Variants in ZNF875 observed in about 807,000 individuals in gnomAD.
ZNF875 encodes the protein HKR1, GLI-Kruppel zinc finger family member.
A neutral mutation model predicts 11.2 loss-of-function variants in ZNF875; 14 were observed. The ratio of observed to expected loss-of-function variants is 1.26; its 90% CI spans 0.83 to 1.96. ZNF875 has a LOEUF of 1.96. Ranked by LOEUF, ZNF875 falls within the 30% of genes most tolerant of loss-of-function variation. ZNF875 has a pLI of 0.00. For missense variants in ZNF875, 752 were observed against 760.4 expected, an observed-to-expected ratio of 0.99 and a Z score of 0.13; for synonymous variants, 301 against 281.1, an observed-to-expected ratio of 1.07 and a Z score of -0.71.
upstream of ZNF875, chr19:37,334,519 A>C: frequency 2.8e-6 from 1 of 356,950 alleles, no homozygotes; most frequent in Admixed American, 3.7e-5. Flanking sequence ...TGCAGATGTC[A>C]GTCACCCTGT....
chr19:37,330,947 G>A (rs2145825597), upstream of ZNF875, among the ~76,000 whole-genome samples: 1 of 152,180 alleles, frequency 6.6e-6, no homozygotes, highest in East Asian at 2.0e-4. Flanking sequence ...CAGCGTTTGG[G>A]AGGCTGAGGC....
upstream of ZNF875, among the ~76,000 whole-genome samples, chr19:37,316,665 C>T (rs954247175): frequency 2.7e-5 from 4 of 146,724 alleles, no homozygotes; most frequent in Admixed American, 2.1e-4. Flanking sequence ...CCACTGCGCC[C>T]GGCCTATTTT....
chr19:37,336,409 T>C (rs1599965351), intron 2 of ZNF875, among the ~76,000 whole-genome samples: 2 of 151,116 alleles, frequency 1.3e-5, no homozygotes, highest in Non-Finnish European at 3.0e-5. Flanking sequence ...ACACCATTCT[T>C]CTGCCTCAGC....
At chr19:37,324,427 T>C (rs979071771) in intron 4 of ZNF875, among the ~76,000 whole-genome samples, 2 of 152,186 alleles carry the variant, frequency 1.3e-5, no homozygotes, top group African/African-American at 4.8e-5. Context: ...AGTTGTCTGG[T>C]TTTTTTAAAA....
intron 2 of ZNF875, among the ~76,000 whole-genome samples, chr19:37,340,938 G>A (rs1166711150): frequency 6.6e-6 from 1 of 152,078 alleles, no homozygotes; most frequent in East Asian, 1.9e-4. Flanking sequence ...GTGAGCCACC[G>A]CGTCTGGCCT....
intron 4 of ZNF875, among the ~76,000 whole-genome samples, chr19:37,356,493 C>T (rs1349230814): frequency 6.6e-6 from 1 of 151,988 alleles, no homozygotes; most frequent in Non-Finnish European, 1.5e-5. Flanking sequence ...TGTGAGATGG[C>T]CTATCTTCTT....
intron 3 of ZNF875, 21 bp downstream of exon 3, chr19:37,347,337 C>T (rs2037005435): frequency 6.2e-7 from 1 of 1,602,138 alleles, no homozygotes; most frequent in African/African-American, 1.3e-5. Flanking sequence ...CCTCCCTTGG[C>T]ACTTAAAATC....
In ZNF875 at chr19:37,363,187, A is replaced by G. The variant is rs1294216121; in HGVS notation, c.1335A>G (p.Ser445=). 1 of 1,613,910 alleles carries G rather than the reference A, an allele frequency of 6.2e-7. No individual in the cohort carries two copies. The highest frequency in any genetic ancestry group is 1.3e-5 in the African/African-American group (1 of 74,896). Residue 445 remains serine, a synonymous_variant, in exon 5 of 5, where the codon TCA becomes TCG. Transcript: ENST00000392153. The stretch of plus-strand genomic sequence containing the variant: ...TCAAAACACACCAGAGGACACACTC[A>G]GGGGTTAAACCTTATGTCTGCCTGG... The part of the protein sequence containing the change: ...SNLKTHQRTH[S]GVKPYVCLEC...
chr19:37,358,180 T>C (rs1407483907), intron 4 of ZNF875: 7 of 342,986 alleles, frequency 2.0e-5, no homozygotes, highest in East Asian at 4.2e-5. Flanking sequence ...AGTCTTGCTC[T>C]GTCACCCTGG....
At chr19:37,336,369 G>A (rs2034418255) in intron 2 of ZNF875, among the ~76,000 whole-genome samples, 1 of 148,426 alleles carries the variant, frequency 6.7e-6, no homozygotes, top group African/African-American at 2.5e-5. Flanking sequence ...GCGCCATCTC[G>A]GCTCGCTGCA....
intron 2 of ZNF875, among the ~76,000 whole-genome samples, chr19:37,335,936 G>A (rs1004833760): frequency 1.3e-5 from 2 of 152,090 alleles, no homozygotes; most frequent in African/African-American, 2.4e-5. Flanking sequence ...AGAGTGCCTC[G>A]TTCTAACAGG....
intron 4 of ZNF875, among the ~76,000 whole-genome samples, chr19:37,354,799 T>C (rs934324657): frequency 1.3e-5 from 2 of 152,190 alleles, no homozygotes; most frequent in African/African-American, 4.8e-5. Flanking sequence ...CAAGTTGTTA[T>C]AAAACAAGGC....
At chr19:37,319,368 T>A (rs1384591460) in intron 1 of ZNF875, among the ~76,000 whole-genome samples, 5 of 144,020 alleles carry the variant, frequency 3.5e-5, no homozygotes, top group Admixed American at 1.4e-4. Context: ...TATATATATA[T>A]AATAAAAATG....
intron 2 of ZNF875, among the ~76,000 whole-genome samples, chr19:37,340,022 G>A (rs2035355389): frequency 6.6e-6 from 1 of 151,012 alleles, no homozygotes; most frequent in African/African-American, 2.4e-5. Context: ...CATTCTTGTT[G>A]CCCAGGCTGG....
rs527766796 is a variant in ZNF875 at position 37,327,236 on chromosome 19, G to A, written c.-603+2971G>A. 1.2e-3 allele frequency among the ~76,000 whole-genome samples: 178 copies of A among 151,672 alleles called. 1 individual carries two copies. The highest frequency in any genetic ancestry group is 4.2e-3 in the African/African-American group (172 of 41,394). On this transcript the variant is annotated intron_variant, in intron 4 of 5. Transcript: ENST00000544914. ...TTGAACTCCTGACCTCAGGTGATCC[G>A]CCCACCTCGGCCTCCCAAAATGCTG...
At chr19:37,353,604 T>C (rs931364666) in intron 4 of ZNF875, among the ~76,000 whole-genome samples, 2 of 152,256 alleles carry the variant, frequency 1.3e-5, no homozygotes, top group African/African-American at 4.8e-5. Context: ...TACAGTTACC[T>C]GGCATTGGAT....
chr19:37,325,740 C>T (rs1218239720), intron 4 of ZNF875, among the ~76,000 whole-genome samples: 1 of 151,904 alleles, frequency 6.6e-6, no homozygotes, highest in African/African-American at 2.4e-5. Flanking sequence ...CTGGGTCTCA[C>T]TCTGTCAGCC....
intron 4 of ZNF875, among the ~76,000 whole-genome samples, chr19:37,353,018 C>T (rs891033873): frequency 4.6e-5 from 7 of 151,010 alleles, no homozygotes; most frequent in African/African-American, 1.2e-4. Context: ...GGACTAGGGG[C>T]GCACGCTACT....
intron 4 of ZNF875, chr19:37,358,015 C>G (rs2039213210): frequency 2.5e-6 from 1 of 396,380 alleles, no homozygotes; most frequent in African/African-American, 2.1e-5. Flanking sequence ...GTAGGTCTGT[C>G]ACAGATAACT....
Sources: gnomAD v4.1 joint callset for allele counts (sites outside exome capture counted in the v4.1 genomes callset) on GRCh38, gnomAD v4.1.1 for gene constraint, MANE v1.5 for transcripts, NCBI Gene and HGNC (gene_info 2026-07-23, HGNC 2026-07-21) for gene names.